TMPRSS4: variants seen among roughly 807,000 people sequenced by gnomAD.
The protein encoded by TMPRSS4 is transmembrane protease serine 4.
In TMPRSS4, 45 loss-of-function variants were observed where a neutral mutation model predicts 56.4. The observed-to-expected ratio is 0.80, with a 90% CI of 0.63 to 1.02. The LOEUF (loss-of-function observed/expected upper bound fraction) is 1.02, where lower values mean the gene tolerates loss of function less well. Among genes scored for constraint, TMPRSS4 ranks in the 50% least tolerant of loss-of-function variants. The pLI is 0.00. For missense variants in TMPRSS4, 546 were observed against 556.7 expected (o/e 0.98, Z 0.19); for synonymous variants, 205 against 211.0 (o/e 0.97, Z 0.25).
chr11:118,116,108 T>G (rs947665613), intron 11 of TMPRSS4, among the ~76,000 whole-genome samples: 1 of 152,198 alleles, frequency 6.6e-6, no homozygotes, highest in Non-Finnish European at 1.5e-5. Flanking sequence ...AACTATTTTC[T>G]TTTTTTATTT....
At chr11:118,095,853 C>T (rs962885926) in intron 2 of TMPRSS4, among the ~76,000 whole-genome samples, 2 of 152,206 alleles carry the variant, frequency 1.3e-5, no homozygotes, top group Non-Finnish European at 2.9e-5. Flanking sequence ...TTTTAGGAAG[C>T]TCTGTCTAGC....
rs1018038631 is a variant in TMPRSS4 at position 118,118,235 on chromosome 11, G to C, written c.*322G>C. 9 of 1,267,222 alleles carry C rather than the reference G, an allele frequency of 7.1e-6. No individual in the cohort carries two copies. The highest frequency in any genetic ancestry group is 1.5e-5 in the African/African-American group (1 of 65,422). 78.5% of individuals were successfully genotyped at this position (1,267,222 alleles called of 1,614,324 possible). On this transcript the variant is annotated 3_prime_UTR_variant, in exon 13 of 13. Coordinates refer to ENST00000437212, the MANE Select transcript of TMPRSS4 (RefSeq NM_019894.4). The stretch of plus-strand genomic sequence containing the variant: ...TTCCCACACTACTGAATGGAAGCAG[G>C]CTGTCTTGTAAAAGCCCAGATCACT...
chr11:118,079,639 C>G (rs1231060243), intron 1 of TMPRSS4, among the ~76,000 whole-genome samples: 1 of 152,226 alleles, frequency 6.6e-6, no homozygotes, highest in Non-Finnish European at 1.5e-5. Context: ...CTGAGGTCAA[C>G]CCCCTGACGC....
chr11:118,096,501 G>C lies in TMPRSS4; in HGVS notation c.43+1646G>C, dbSNP rs75716291. Among the ~76,000 whole-genome samples the C allele has an allele frequency of 7.8e-3, 1,182 of 152,250 alleles. 8 individuals carry two copies. Among genetic ancestry groups the C allele is most frequent in the Middle Eastern group, 0.045 (13 of 292 alleles). On this transcript the variant is annotated intron_variant, in intron 2 of 12. Transcript: ENST00000437212. ...ATGTGACCTGTAAGAAAGGTAGAAG[G>C]GGCCGGGCATGGTGGCTTATGCCAG...
At position 118,078,879 on chromosome 11, in the gene TMPRSS4, G is replaced by A. The variant is rs116279762; in HGVS notation, c.3+1574G>A. Among the ~76,000 whole-genome samples the A allele has an allele frequency of 1.2e-3, 185 of 152,294 alleles. 1 individual carries two copies. Among genetic ancestry groups the A allele is most frequent in the African/African-American group, 4.0e-3 (165 of 41,562 alleles). On this transcript the variant is annotated intron_variant, in intron 1 of 12. Coordinates refer to ENST00000437212, the MANE Select transcript of TMPRSS4 (RefSeq NM_019894.4). ...CACAACAGCCCCACGCACATGCACC[G>A]GGTTCGCAGAGATTACACAGCTAAT...
Position 118,117,968 on chromosome 11 carries a change from G to T in TMPRSS4, c.*55G>T. On this transcript the variant is annotated 3_prime_UTR_variant, in exon 13 of 13. Coordinates refer to ENST00000437212, the MANE Select transcript of TMPRSS4 (RefSeq NM_019894.4). ...CGCTTCCTTCCTGCCCTGCCCACCT[G>T]GGGATCCCCCAAAGTCAGACACAGA... is the stretch of plus-strand genomic sequence containing the variant. 1 of 1,611,744 alleles carries T rather than the reference G, an allele frequency of 6.2e-7. No homozygotes were observed. The highest frequency in any genetic ancestry group is 1.1e-5 in the South Asian group (1 of 90,978).
At chr11:118,098,941 T>G (rs1382107848) in intron 2 of TMPRSS4, 44 bp from the exon 3 acceptor site, 2 of 1,505,284 alleles carry the variant, frequency 1.3e-6, no homozygotes, top group African/African-American at 1.4e-5. Flanking sequence ...GATCACCAAG[T>G]GCTGACTGCA....
chr11:118,083,661 C>A (rs1459874404), intron 1 of TMPRSS4, among the ~76,000 whole-genome samples: 1 of 152,122 alleles, frequency 6.6e-6, no homozygotes, highest in Non-Finnish European at 1.5e-5. Context: ...GGCAAAAGAG[C>A]TTTACCTCTG....
intron 1 of TMPRSS4, among the ~76,000 whole-genome samples, chr11:118,089,947 G>A (rs1229134201): frequency 6.6e-6 from 1 of 152,090 alleles, no homozygotes; most frequent in Non-Finnish European, 1.5e-5. Flanking sequence ...CGGGTTCAAG[G>A]GATTCTCCTG....
intron 1 of TMPRSS4, among the ~76,000 whole-genome samples, chr11:118,094,407 T>C (rs1306242648): frequency 6.6e-6 from 1 of 152,244 alleles, no homozygotes; most frequent in African/African-American, 2.4e-5. Context: ...TTAAGCATTG[T>C]TTGGTACTTA....
Position 118,118,899 on chromosome 11 carries a change from G to A in TMPRSS4, c.*986G>A, listed in dbSNP as rs1001049539. The A allele has an allele frequency of 2.0e-6, 2 of 985,312 alleles. No homozygotes were observed. Among genetic ancestry groups the A allele is most frequent in the African/African-American group, 1.7e-5 (1 of 57,224 alleles). The allele number at this position is 985,312 out of a possible 1,614,324, so 61.0% of individuals were successfully genotyped here. The stretch of plus-strand genomic sequence containing the variant: ...AAAAACAAAAAGGATCAGCTGCCAG[G>A]TGTGAGGCAGTCCCCAAGCTGAGTT... On this transcript the variant is annotated 3_prime_UTR_variant, in exon 13 of 13. Transcript: ENST00000437212.
At chr11:118,098,535 C>T (rs1366280986) in intron 2 of TMPRSS4, among the ~76,000 whole-genome samples, 1 of 152,240 alleles carries the variant, frequency 6.6e-6, no homozygotes, top group Admixed American at 6.5e-5. Context: ...CTCTACTAAG[C>T]ACACACTGTG....
chr11:118,086,916 G>C (rs589488), intron 1 of TMPRSS4: 20,328 of 152,582 alleles, frequency 0.13, 1,780 homozygotes, highest in East Asian at 0.24. Flanking sequence ...TCCCTCAGAG[G>C]AGCACTGTGG....
At chr11:118,097,464 G>C (rs752552573) in intron 2 of TMPRSS4, among the ~76,000 whole-genome samples, 1 of 152,042 alleles carries the variant, frequency 6.6e-6, no homozygotes, top group African/African-American at 2.4e-5. Context: ...TAGGAGAGCC[G>C]GTCCGTTGCT....
At chr11:118,084,248 T>C (rs1375883892) in intron 1 of TMPRSS4, among the ~76,000 whole-genome samples, 1 of 152,138 alleles carries the variant, frequency 6.6e-6, no homozygotes, top group Non-Finnish European at 1.5e-5. Context: ...GATTCAGACC[T>C]AGGCTGCAGG....
chr11:118,113,539 A>G, intron 9 of TMPRSS4, 104 bp downstream of exon 9: 1 of 1,344,946 alleles, frequency 7.4e-7, no homozygotes. Flanking sequence ...TCTCCTCTCA[A>G]GTCCTCAGCT....
At chr11:118,077,454 C>A (rs1944744874) in intron 1 of TMPRSS4, 149 bp downstream of exon 1, 2 of 945,532 alleles carry the variant, frequency 2.1e-6, no homozygotes, top group South Asian at 3.5e-5. Context: ...CCCTCACACC[C>A]CAGCCCGGTA....
intron 6 of TMPRSS4, chr11:118,108,594 G>A (rs956959624): frequency 3.1e-5 from 15 of 490,618 alleles, no homozygotes; most frequent in African/African-American, 2.2e-4. Context: ...GGTCCCAGGA[G>A]CCCAGGCTGG....
At chr11:118,115,032 G>A (rs767517298) in intron 10 of TMPRSS4, 105 bp downstream of exon 10, 19 of 1,550,030 alleles carry the variant, frequency 1.2e-5, no homozygotes, top group South Asian at 3.5e-5. Context: ...AACCCATCCT[G>A]GAGGACCAAG....
Sources: gnomAD v4.1 joint callset for allele counts (sites outside exome capture counted in the v4.1 genomes callset) on GRCh38, gnomAD v4.1.1 for gene constraint, MANE v1.5 for transcripts, NCBI Gene and HGNC (gene_info 2026-07-23, HGNC 2026-07-21) for gene names.